Variants in DENND5A observed in about 807,000 individuals in gnomAD.
The protein encoded by DENND5A is DENN domain containing 5A.
In DENND5A, 64 loss-of-function variants were observed where a neutral mutation model predicts 140.3. The ratio of observed to expected loss-of-function variants is 0.46; its 90% CI spans 0.37 to 0.56. DENND5A has a LOEUF of 0.56. DENND5A is among the 20% of genes least tolerant of loss of function. The pLI is 0.00. For missense variants in DENND5A, 1,292 were observed against 1,593.8 expected, an observed-to-expected ratio of 0.81 and a Z score of 3.22; for synonymous variants, 605 against 607.7, an observed-to-expected ratio of 1.00 and a Z score of 0.07.
intron 1 of DENND5A, among the ~76,000 whole-genome samples, chr11:9,240,364 C>T (rs1851183800): frequency 6.6e-6 from 1 of 152,080 alleles, no homozygotes; most frequent in African/African-American, 2.4e-5. Flanking sequence ...CATTGCACTC[C>T]ACCCTGGGCG....
chr11:9,223,994 C>G (rs561709211), intron 1 of DENND5A, among the ~76,000 whole-genome samples: 1 of 151,904 alleles, frequency 6.6e-6, no homozygotes, highest in African/African-American at 2.4e-5. Flanking sequence ...GAGTTCAAGA[C>G]CAGCCTGGCC....
intron 1 of DENND5A, among the ~76,000 whole-genome samples, chr11:9,264,391 G>C (rs956786387): frequency 6.6e-6 from 1 of 152,092 alleles, no homozygotes; most frequent in Admixed American, 6.6e-5. Context: ...CCAAGGCTAA[G>C]GGAGTTCCTA....
chr11:9,229,062 C>G (rs1850654283), intron 1 of DENND5A, among the ~76,000 whole-genome samples: 1 of 152,162 alleles, frequency 6.6e-6, no homozygotes, highest in Non-Finnish European at 1.5e-5. Flanking sequence ...TGGGGACAGT[C>G]TTGTGAGACT....
Position 9,139,864 on chromosome 11 carries a change from C to A in DENND5A, c.3681-10G>T. ...GTGTAGGAGGTGATCTCTGGCAGAG[C>A]GGGAGCAGTCCAGGCAGGTCAGAGG... On this transcript the variant is annotated splice_polypyrimidine_tract_variant and intron_variant, in intron 22 of 22. Coordinates refer to ENST00000328194, the MANE Select transcript of DENND5A (RefSeq NM_015213.4). 6.2e-7 allele frequency: 1 copy of A among 1,612,940 alleles called. No homozygotes were observed. The highest frequency in any genetic ancestry group is 8.5e-7 in the Non-Finnish European group (1 of 1,179,438).
intron 22 of DENND5A, among the ~76,000 whole-genome samples, 173 bp downstream of exon 22, chr11:9,141,767 T>C (rs1160034787): frequency 6.6e-6 from 1 of 152,160 alleles, no homozygotes; most frequent in Non-Finnish European, 1.5e-5. Flanking sequence ...TTTTATGCAG[T>C]GTGTGACCAT....
intron 12 of DENND5A, among the ~76,000 whole-genome samples, chr11:9,158,357 C>A (rs1056564367): frequency 6.7e-6 from 1 of 149,728 alleles, no homozygotes; most frequent in Admixed American, 6.7e-5. Flanking sequence ...CCAGCCAGGA[C>A]AACATAGGGA....
At chr11:9,230,555 G>C (rs576918709) in intron 1 of DENND5A, among the ~76,000 whole-genome samples, 15 of 152,130 alleles carry the variant, frequency 9.9e-5, no homozygotes, top group Admixed American at 9.2e-4. Flanking sequence ...CTTTCTTCTT[G>C]TTAATTTGTC....
At chr11:9,234,528 TCTGGCCATAAACTGGCCCCAAAA>T (rs1850918909) in intron 1 of DENND5A, among the ~76,000 whole-genome samples, 1 of 152,130 alleles carries the variant, frequency 6.6e-6, no homozygotes, top group African/African-American at 2.4e-5. Flanking sequence ...CCCCCCAAAA[TCTGGCCATAAACTGGCCCCAAAA>T]CTGGCCATAA....
rs1847652874 is a variant in DENND5A, at chr11:9,152,497, C to A, written c.2437-55G>T. 4 of 1,218,868 alleles carry A rather than the reference C, an allele frequency of 3.3e-6. No individual in the cohort carries two copies. In the Admixed American group the frequency reaches 6.7e-5, roughly 20 times the overall value. The allele number at this position is 1,218,868 out of a possible 1,614,324, so 75.5% of individuals were successfully genotyped here. A position where few individuals can be genotyped will look rare whatever the true frequency, so the allele number is the denominator to read the frequency against. On this transcript the variant is annotated intron_variant, in intron 12 of 22. Transcript: ENST00000328194. Reference sequence around the variant, plus strand: ...TCAGTTTAGATTTCAGGGGTCAAGGCTTTCAACATACAGATAGAAGCTTTT... The same window carrying A: ...TCAGTTTAGATTTCAGGGGTCAAGGATTTCAACATACAGATAGAAGCTTTT...
At chr11:9,180,537 A>C (rs1848693062) in intron 6 of DENND5A, among the ~76,000 whole-genome samples, 1 of 152,242 alleles carries the variant, frequency 6.6e-6, no homozygotes. Flanking sequence ...GAATGATGGC[A>C]GACTCTCCCT....
At chr11:9,225,384 G>A (rs750479267) in intron 1 of DENND5A, among the ~76,000 whole-genome samples, 5 of 152,018 alleles carry the variant, frequency 3.3e-5, no homozygotes, top group Non-Finnish European at 2.9e-5. Flanking sequence ...AGTATTCCCC[G>A]TTCTATCCAT....
At chr11:9,202,805 T>TG (rs1849567052) in intron 4 of DENND5A, among the ~76,000 whole-genome samples, 3 of 152,172 alleles carry the variant, frequency 2.0e-5, no homozygotes, top group Non-Finnish European at 1.5e-5. Context: ...GCCCTTTGCC[T>TG]GGAATACTTT....
intron 15 of DENND5A, 103 bp from the exon 16 acceptor site, chr11:9,147,254 C>T: frequency 8.0e-7 from 1 of 1,253,554 alleles, no homozygotes. Context: ...CATAAGATGT[C>T]AAGCTTCAAG....
At chr11:9,251,512 C>G (rs553928814) in intron 1 of DENND5A, among the ~76,000 whole-genome samples, 1 of 152,142 alleles carries the variant, frequency 6.6e-6, no homozygotes, top group Non-Finnish European at 1.5e-5. Flanking sequence ...TGAGTCATAT[C>G]TGATCCCCTG....
At chr11:9,199,267 G>A (rs1448379803) in intron 4 of DENND5A, among the ~76,000 whole-genome samples, 1 of 151,998 alleles carries the variant, frequency 6.6e-6, no homozygotes, top group Non-Finnish European at 1.5e-5. Context: ...GGAGGCCAAG[G>A]AAGGTGGATT....
rs755012179 is a variant in DENND5A at position 9,150,771 on chromosome 11, T to C, written c.2522-7A>G. On this transcript the variant is annotated splice_region_variant and splice_polypyrimidine_tract_variant and intron_variant, in intron 13 of 22. Coordinates refer to ENST00000328194, the MANE Select transcript of DENND5A (RefSeq NM_015213.4). ...TCTGAATCAAGAAGTATTCCTAGAA[T>C]AAACAAGTTGGTCATGTCCAAAGAG... 4 of 1,604,932 alleles carry C rather than the reference T, an allele frequency of 2.5e-6. No individual in the cohort carries two copies. The highest frequency in any genetic ancestry group is 3.4e-6 in the Non-Finnish European group (4 of 1,172,356).
intron 17 of DENND5A, 21 bp downstream of exon 17, chr11:9,145,649 G>A (rs1471815298): frequency 2.5e-6 from 4 of 1,613,778 alleles, no homozygotes; most frequent in Non-Finnish European, 3.4e-6. Flanking sequence ...CCACAGAGCT[G>A]TGGCCCCAAA....
intron 4 of DENND5A, among the ~76,000 whole-genome samples, chr11:9,200,801 C>T (rs184320929): frequency 3.9e-5 from 6 of 152,358 alleles, no homozygotes; most frequent in South Asian, 2.1e-4. Context: ...TCTTTGCTTT[C>T]TTCCATTCTC....
chr11:9,251,402 C>T (rs1851714086), intron 1 of DENND5A, among the ~76,000 whole-genome samples: 1 of 152,154 alleles, frequency 6.6e-6, no homozygotes, highest in South Asian at 2.1e-4. Context: ...ACAGGAAGCT[C>T]TACAAGAGAT....
Sources: gnomAD v4.1 joint callset for allele counts (sites outside exome capture counted in the v4.1 genomes callset) on GRCh38, gnomAD v4.1.1 for gene constraint, MANE v1.5 for transcripts, NCBI Gene and HGNC (gene_info 2026-07-23, HGNC 2026-07-21) for gene names.